MDGA2: variants seen among roughly 807,000 people sequenced by gnomAD.
MDGA2 encodes the protein MAM domain-containing glycosylphosphatidylinositol anchor protein 2.
MDGA2 carries 40 observed loss-of-function variants against 117.8 expected under a neutral mutation model. The observed-to-expected ratio is 0.34, with a 90% CI of 0.26 to 0.44. The LOEUF (loss-of-function observed/expected upper bound fraction) is 0.44, where lower values mean the gene tolerates loss of function less well. Ranked by LOEUF, MDGA2 falls within the 20% of genes least tolerant of loss-of-function variation. The pLI is 1.00. For missense variants in MDGA2, 1,123 were observed against 1,250.6 expected, an observed-to-expected ratio of 0.90 and a Z score of 1.54; for synonymous variants, 452 against 439.0, an observed-to-expected ratio of 1.03 and a Z score of -0.37.
chr14:47,589,381 T>C (rs572544231), intron 1 of MDGA2, among the ~76,000 whole-genome samples: 2 of 152,114 alleles, frequency 1.3e-5, no homozygotes, highest in South Asian at 2.1e-4. Context: ...ACAAGTCCAA[T>C]GTCATTCTTT....
chr14:47,539,018 G>A (rs891679273), intron 1 of MDGA2, among the ~76,000 whole-genome samples: 1 of 152,192 alleles, frequency 6.6e-6, no homozygotes, highest in African/African-American at 2.4e-5. Flanking sequence ...GGAGAAGTCT[G>A]CTGAATTGTC....
chr14:46,916,292 C>G (rs1194173462), intron 10 of MDGA2, among the ~76,000 whole-genome samples: 1 of 152,144 alleles, frequency 6.6e-6, no homozygotes. Flanking sequence ...GGCGGAGGAG[C>G]TGGGGTCCAT....
chr14:47,506,121 T>A (rs890551689), intron 1 of MDGA2, among the ~76,000 whole-genome samples: 1 of 152,054 alleles, frequency 6.6e-6, no homozygotes, highest in South Asian at 2.1e-4. Flanking sequence ...TCTGGAATGA[T>A]CAGCATCTTC....
chr14:47,218,691 T>C (rs1886190421), intron 2 of MDGA2, among the ~76,000 whole-genome samples: 1 of 152,080 alleles, frequency 6.6e-6, no homozygotes, highest in South Asian at 2.1e-4. Flanking sequence ...TTATTGAGAT[T>C]ATGTATAATT....
chr14:47,419,460 A>G (rs972545189), intron 1 of MDGA2, among the ~76,000 whole-genome samples: 9 of 152,158 alleles, frequency 5.9e-5, no homozygotes, highest in Non-Finnish European at 1.0e-4. Context: ...AATCATGAGA[A>G]AAATGTATAA....
At chr14:47,655,745 C>A (rs1897730908) in intron 1 of MDGA2, among the ~76,000 whole-genome samples, 1 of 152,132 alleles carries the variant, frequency 6.6e-6, no homozygotes, top group South Asian at 2.1e-4. Flanking sequence ...TAAGAGAGAA[C>A]ACAGTCCATG....
chr14:47,159,811 T>A (rs1883556629), intron 3 of MDGA2, among the ~76,000 whole-genome samples: 1 of 152,198 alleles, frequency 6.6e-6, no homozygotes. Flanking sequence ...AGTTATCTTT[T>A]TCTTTAAAAA....
At chr14:47,297,007 A>G (rs551184210) in intron 2 of MDGA2, among the ~76,000 whole-genome samples, 2 of 152,218 alleles carry the variant, frequency 1.3e-5, no homozygotes, top group African/African-American at 4.8e-5. Context: ...GCCCCAATGC[A>G]GGGGTTTCTA....
chr14:47,657,768 G>T (rs773309304), intron 1 of MDGA2, among the ~76,000 whole-genome samples: 1 of 152,138 alleles, frequency 6.6e-6, no homozygotes, highest in Non-Finnish European at 1.5e-5. Context: ...GGAATTTACT[G>T]GTTCTATCAC....
intron 14 of MDGA2, among the ~76,000 whole-genome samples, chr14:46,870,157 C>A (rs1345998674): frequency 1.3e-5 from 2 of 151,992 alleles, no homozygotes; most frequent in African/African-American, 4.8e-5. Flanking sequence ...ATAAGTAATG[C>A]AACATATTTA....
At chr14:47,493,501 G>C (rs8014150) in intron 1 of MDGA2, among the ~76,000 whole-genome samples, 5,823 of 151,720 alleles carry the variant, frequency 0.038, 380 homozygotes, top group African/African-American at 0.13. Context: ...ATTTTTAGTA[G>C]AGATGAAGTT....
chr14:46,874,633 A>G (rs1423203957), intron 12 of MDGA2, among the ~76,000 whole-genome samples: 1 of 151,862 alleles, frequency 6.6e-6, no homozygotes, highest in East Asian at 1.9e-4. Context: ...ATAATTTTTC[A>G]TGCATGTCTA....
chr14:47,136,460 G>A (rs1044457011), intron 4 of MDGA2, among the ~76,000 whole-genome samples: 4 of 152,054 alleles, frequency 2.6e-5, no homozygotes, highest in Non-Finnish European at 4.4e-5. Flanking sequence ...GCCTCCCAAA[G>A]TGCTGGGATT....
At chr14:47,244,399 ATC>A (rs1337145996) in intron 2 of MDGA2, among the ~76,000 whole-genome samples, 2 of 151,764 alleles carry the variant, frequency 1.3e-5, no homozygotes, top group Non-Finnish European at 2.9e-5. Flanking sequence ...TTATTTATAT[ATC>A]TGTCTTTTCT....
At chr14:46,873,090 T>C (rs1237958382) in intron 14 of MDGA2, among the ~76,000 whole-genome samples, 1 of 151,990 alleles carries the variant, frequency 6.6e-6, no homozygotes. Context: ...ATGATTAATA[T>C]GCATTCAGTC....
intron 2 of MDGA2, among the ~76,000 whole-genome samples, chr14:47,297,091 T>C (rs555567991): frequency 2.5e-4 from 38 of 152,298 alleles, no homozygotes; most frequent in African/African-American, 8.2e-4. Flanking sequence ...CTACCAGCCT[T>C]GACCCATACT....
intron 10 of MDGA2, among the ~76,000 whole-genome samples, chr14:46,905,207 A>G (rs988267961): frequency 2.0e-5 from 3 of 152,144 alleles, no homozygotes; most frequent in Non-Finnish European, 4.4e-5. Flanking sequence ...TTTATACAAG[A>G]AGAGGTGTGG....
chr14:47,394,351 T>C (rs1032383171), intron 1 of MDGA2, among the ~76,000 whole-genome samples: 2 of 152,280 alleles, frequency 1.3e-5, no homozygotes, highest in South Asian at 4.1e-4. Context: ...TAGAACACAG[T>C]AAATCAGCAA....
At chr14:47,131,959 CAG>C (rs1882228441) in intron 4 of MDGA2, 113 bp from the exon 5 acceptor site, 1 of 823,270 alleles carries the variant, frequency 1.2e-6, no homozygotes, top group African/African-American at 1.7e-5. Flanking sequence ...CAGAATATGA[CAG>C]ACTGTCTTTT....
Sources: allele counts gnomAD v4.1 joint callset (sites outside exome capture counted in the v4.1 genomes callset), GRCh38; gene constraint gnomAD v4.1.1; transcripts MANE v1.5; gene names NCBI Gene and HGNC (gene_info 2026-07-23, HGNC 2026-07-21).